PTPRU: variants seen among roughly 807,000 people sequenced by gnomAD.
The protein encoded by PTPRU is receptor-type tyrosine-protein phosphatase U.
In PTPRU, 69 loss-of-function variants were observed where a neutral mutation model predicts 166.3. That is an observed-to-expected ratio of 0.41 (90% CI 0.34 to 0.51). The LOEUF (loss-of-function observed/expected upper bound fraction) is 0.51, where lower values mean the gene tolerates loss of function less well. Ranked by LOEUF, PTPRU falls within the 20% of genes least tolerant of loss-of-function variation. The probability of loss-of-function intolerance (pLI) is 0.09; values close to 1 mark genes in which losing one functional copy is unlikely to be tolerated. For synonymous variants in PTPRU, 793 were observed against 814.0 expected, an observed-to-expected ratio of 0.97 and a Z score of 0.44; for missense variants, 1,657 against 2,013.7, an observed-to-expected ratio of 0.82 and a Z score of 3.39.
chr1:29,241,550 G>A (rs1164905674), intron 1 of PTPRU, among the ~76,000 whole-genome samples: 2 of 151,796 alleles, frequency 1.3e-5, no homozygotes, highest in Admixed American at 6.6e-5. Flanking sequence ...GTGAGTCTGG[G>A]TGTGGGGTGC....
chr1:29,282,129 C>G (rs1207971906), intron 11 of PTPRU, among the ~76,000 whole-genome samples: 1 of 152,232 alleles, frequency 6.6e-6, no homozygotes, highest in Non-Finnish European at 1.5e-5. Flanking sequence ...ATCACTGTCT[C>G]TCACTAGAGG....
chr1:29,275,839 A>AT (rs1392054078), intron 8 of PTPRU, 83 bp downstream of exon 8: 2 of 1,457,322 alleles, frequency 1.4e-6, no homozygotes, highest in Admixed American at 4.6e-5. Context: ...TACTGAGGGT[A>AT]TTTTTTTCTT....
intron 18 of PTPRU, among the ~76,000 whole-genome samples, chr1:29,309,224 G>A (rs1687539140): frequency 6.6e-6 from 1 of 152,186 alleles, no homozygotes; most frequent in African/African-American, 2.4e-5. Flanking sequence ...GATGTTTTGA[G>A]GCCAGCAATA....
chr1:29,248,019 G>C (rs749705204), intron 1 of PTPRU, among the ~76,000 whole-genome samples: 3 of 152,202 alleles, frequency 2.0e-5, no homozygotes, highest in Non-Finnish European at 2.9e-5. Context: ...GGCTCTTCGG[G>C]CAGCTCTGGG....
chr1:29,277,803 C>CTTTTTTTTTTTTTTTTTTTGTTTTTTTT (rs1685876352), intron 8 of PTPRU, among the ~76,000 whole-genome samples: 1 of 50,564 alleles, frequency 2.0e-5, no homozygotes, highest in African/African-American at 9.2e-5. Context: ...AGTTGTCATT[C>CTTTTTTTTTTTTTTTTTTTGTTTTTTTT]TTTTTTTTTT....
At chr1:29,259,830 C>A in intron 5 of PTPRU, 40 bp from the exon 6 acceptor site, 3 of 1,501,652 alleles carry the variant, frequency 2.0e-6, no homozygotes, top group Non-Finnish European at 2.7e-6. Flanking sequence ...GGACCCCTCG[C>A]TCCGAGGCGC....
At chr1:29,312,254 C>T (rs1367936697) in intron 21 of PTPRU, among the ~76,000 whole-genome samples, 1 of 152,172 alleles carries the variant, frequency 6.6e-6, no homozygotes, top group Non-Finnish European at 1.5e-5. Flanking sequence ...GTTTACACAA[C>T]AACCTGGTGG....
In PTPRU at chr1:29,266,010, G is replaced by GTTTTTTTTTTTT. The variant is rs34163524; in HGVS notation, c.1144+5123_1144+5134dup. Among the ~76,000 whole-genome samples, 4 of 79,198 alleles carry GTTTTTTTTTTTT rather than the reference G, an allele frequency of 5.1e-5. 1 individual carries two copies. Among genetic ancestry groups the GTTTTTTTTTTTT allele is most frequent in the African/African-American group, 1.8e-4 (4 of 22,470 alleles). The allele number at this position is 79,198 out of a possible 152,430, so 52.0% of individuals were successfully genotyped here. ...CTGTCTCCCAAAGATTTTCTCCTGG[G>GTTTTTTTTTTTT]TTTTTTTTTTTTTTTTTTTTTTTTT... On this transcript the variant is annotated intron_variant, in intron 7 of 29. Transcript: ENST00000373779.
chr1:29,242,403 C>T lies in PTPRU; in HGVS notation c.73+5686C>T, dbSNP rs1053986738. On this transcript the variant is annotated intron_variant, in intron 1 of 29. Coordinates refer to ENST00000373779, the MANE Select transcript of PTPRU (RefSeq NM_133178.4). Reference sequence around the variant, plus strand: ...AAGCCAGAAGCCTTGGAAGGGGCCCCGATAGTTCTGTTTTTCAACGGTCAG... The same window carrying T: ...AAGCCAGAAGCCTTGGAAGGGGCCCTGATAGTTCTGTTTTTCAACGGTCAG... Among the ~76,000 whole-genome samples, 5 of 152,152 alleles carry T rather than the reference C, an allele frequency of 3.3e-5. No individual in the cohort carries two copies. In the East Asian group the frequency reaches 5.8e-4, roughly 18 times the overall value.
chr1:29,259,600 T>TTTTGGGGGGGGGGGGGGGG, intron 5 of PTPRU, 36 bp downstream of exon 5: 1 of 253,694 alleles, frequency 3.9e-6, no homozygotes, highest in Non-Finnish European at 7.7e-6. Context: ...GGGGGCGGGG[T>TTTTGGGGGGGGGGGGGGGG]GGGAGGGGGT....
intron 21 of PTPRU, 69 bp from the exon 22 acceptor site, chr1:29,312,483 A>G (rs757753491): frequency 1.1e-5 from 15 of 1,412,358 alleles, no homozygotes; most frequent in Non-Finnish European, 1.4e-5. Flanking sequence ...AGTGCCTGGC[A>G]CACAGCAGGT....
intron 14 of PTPRU, chr1:29,289,575 C>T (rs963049724): frequency 4.4e-6 from 6 of 1,370,402 alleles, no homozygotes; most frequent in African/African-American, 4.3e-5. Context: ...CCCTCCCCAG[C>T]CCGGGAGGTA....
chr1:29,250,958 G>A lies in PTPRU; in HGVS notation c.74-4317G>A, dbSNP rs11576341. Reference sequence around the variant, plus strand: ...GGGAGAGGGAGTGAATCTGGTTAAGGAATCACTCTGAGGCTGGGTACAGTG... The same window carrying A: ...GGGAGAGGGAGTGAATCTGGTTAAGAAATCACTCTGAGGCTGGGTACAGTG... On this transcript the variant is annotated intron_variant, in intron 1 of 29. Transcript: ENST00000373779. Among the ~76,000 whole-genome samples, 1,210 of 152,286 alleles carry A rather than the reference G, an allele frequency of 7.9e-3. 10 individuals are homozygous for A. Among genetic ancestry groups the A allele is most frequent in the Non-Finnish European group, 0.013 (868 of 68,012 alleles).
rs34163524 is a variant in PTPRU at position 29,266,010 on chromosome 1, G to GTTTTTT, written c.1144+5129_1144+5134dup. ...CTGTCTCCCAAAGATTTTCTCCTGGGTTTTTTTTTTTTTTTTTTTTTTTTT... is the reference window on the plus strand; with the variant it reads ...CTGTCTCCCAAAGATTTTCTCCTGGGTTTTTTTTTTTTTTTTTTTTTTTTTTTTTTT... On this transcript the variant is annotated intron_variant, in intron 7 of 29. Coordinates refer to ENST00000373779, the MANE Select transcript of PTPRU (RefSeq NM_133178.4). Among the ~76,000 whole-genome samples, 179 of 79,226 alleles carry GTTTTTT rather than the reference G, an allele frequency of 2.3e-3. 12 individuals carry two copies. The highest frequency in any genetic ancestry group is 7.6e-3 in the African/African-American group (170 of 22,508). The allele number at this position is 79,226 out of a possible 152,430, so 52.0% of individuals were successfully genotyped here.
intron 15 of PTPRU, among the ~76,000 whole-genome samples, chr1:29,296,399 G>T (rs886326945): frequency 2.0e-4 from 30 of 151,392 alleles, no homozygotes; most frequent in African/African-American, 6.8e-4. Context: ...TTCCCCTTTT[G>T]TCTGCTAATG....
rs985478889 is a variant in PTPRU, at chr1:29,315,305, T to C, written c.3228-67T>C. 4 of 1,597,016 alleles carry C rather than the reference T, an allele frequency of 2.5e-6. No individual in the cohort carries two copies. The highest frequency in any genetic ancestry group is 1.3e-5 in the African/African-American group (1 of 74,540). On this transcript the variant is annotated intron_variant, in intron 22 of 29. Coordinates refer to ENST00000373779, the MANE Select transcript of PTPRU (RefSeq NM_133178.4). The surrounding 1 kb of genome is among the most constrained non-coding windows in gnomAD (Gnocchi z 4.5). ...TAGACATGGCCAGTGCCCTCCTCTC[T>C]TCTTCTCCTTAGTCCCGGGCTTCCT...
chr1:29,282,073 T>C (rs1021208209), intron 11 of PTPRU, among the ~76,000 whole-genome samples: 7 of 152,196 alleles, frequency 4.6e-5, no homozygotes, highest in African/African-American at 1.7e-4. Context: ...TGCCTTGGCA[T>C]TGGGAGGGTG....
intron 1 of PTPRU, among the ~76,000 whole-genome samples, chr1:29,242,858 A>G (rs936355815): frequency 2.0e-5 from 3 of 150,488 alleles, no homozygotes; most frequent in African/African-American, 7.3e-5. Flanking sequence ...GTAGCCTGGT[A>G]GCCTTCTTGG....
At chr1:29,321,076 T>C (rs1688136381) in intron 26 of PTPRU, among the ~76,000 whole-genome samples, 1 of 152,160 alleles carries the variant, frequency 6.6e-6, no homozygotes, top group Non-Finnish European at 1.5e-5. Context: ...CAGGCTGGAG[T>C]GCAGTGGCGC....
Sources: allele counts gnomAD v4.1 joint callset (sites outside exome capture counted in the v4.1 genomes callset), GRCh38; gene constraint gnomAD v4.1.1; non-coding constraint Gnocchi (gnomAD v3.1); transcripts MANE v1.5; gene names NCBI Gene and HGNC (gene_info 2026-07-23, HGNC 2026-07-21).